The following AGBL4 variants were observed in gnomAD, a reference collection of about 807,000 sequenced individuals.
AGBL4 encodes cytosolic carboxypeptidase 6.
A neutral mutation model predicts 66.4 loss-of-function variants in AGBL4; 58 were observed. That is an observed-to-expected ratio of 0.87 (90% CI 0.71 to 1.09). AGBL4 has a LOEUF of 1.09. AGBL4 is among the 50% of genes least tolerant of loss of function. The pLI is 0.00. For missense variants in AGBL4, 579 were observed against 631.0 expected, an observed-to-expected ratio of 0.92 and a Z score of 0.88; for synonymous variants, 234 against 222.9, an observed-to-expected ratio of 1.05 and a Z score of -0.44.
intron 4 of AGBL4, among the ~76,000 whole-genome samples, chr1:49,081,510 T>C (rs1644807904): frequency 6.6e-6 from 1 of 152,210 alleles, no homozygotes; most frequent in African/African-American, 2.4e-5. Context: ...TAGGAGGTAA[T>C]GTCTGTTCAT....
intron 1 of AGBL4, among the ~76,000 whole-genome samples, chr1:49,875,070 G>A (rs1243687718): frequency 6.8e-6 from 1 of 147,596 alleles, no homozygotes; most frequent in South Asian, 2.2e-4. Flanking sequence ...GTGAGAATAT[G>A]TGGTATTTGG....
intron 9 of AGBL4, among the ~76,000 whole-genome samples, chr1:48,603,949 A>AAACAAC (rs573631069): frequency 2.0e-5 from 3 of 151,584 alleles, no homozygotes; most frequent in African/African-American, 4.9e-5. Context: ...AAAAACAACA[A>AAACAAC]AACAACAACA....
chr1:49,774,738 A>G (rs2147891327), intron 2 of AGBL4, among the ~76,000 whole-genome samples: 1 of 152,342 alleles, frequency 6.6e-6, no homozygotes, highest in African/African-American at 2.4e-5. Context: ...AAGACAGGTT[A>G]TGCAAAATCC....
At chr1:49,269,949 C>A (rs1313886602) in intron 3 of AGBL4, among the ~76,000 whole-genome samples, 15 of 152,144 alleles carry the variant, frequency 9.9e-5, no homozygotes, top group Non-Finnish European at 2.1e-4. Flanking sequence ...CTTGAACCTG[C>A]AGTTAAGGGA....
At chr1:49,335,111 A>T (rs1364177663) in intron 3 of AGBL4, among the ~76,000 whole-genome samples, 4 of 152,218 alleles carry the variant, frequency 2.6e-5, no homozygotes. Context: ...GCCAAAACAG[A>T]ATTTTTGATA....
chr1:48,749,277 ATTGT>A (rs928213830), intron 6 of AGBL4, among the ~76,000 whole-genome samples: 13 of 152,090 alleles, frequency 8.5e-5, no homozygotes, highest in African/African-American at 3.1e-4. Context: ...CTGTCACGTG[ATTGT>A]TTGTTTAACA....
intron 1 of AGBL4, among the ~76,000 whole-genome samples, chr1:49,869,777 C>G (rs908509490): frequency 6.6e-6 from 1 of 151,786 alleles, no homozygotes; most frequent in African/African-American, 2.4e-5. Flanking sequence ...GTGGATCTTA[C>G]GAAGATAAAG....
At chr1:48,690,532 G>C (rs543126571) in intron 6 of AGBL4, among the ~76,000 whole-genome samples, 1 of 152,328 alleles carries the variant, frequency 6.6e-6, no homozygotes, top group Non-Finnish European at 1.5e-5. Flanking sequence ...CAGATTGCTA[G>C]AGAGGGGCTG....
chr1:48,979,698 C>G (rs924658306), intron 5 of AGBL4, among the ~76,000 whole-genome samples: 2 of 151,622 alleles, frequency 1.3e-5, no homozygotes, highest in African/African-American at 4.8e-5. Context: ...AGAATAAGTT[C>G]AATTAAGTTT....
intron 4 of AGBL4, chr1:49,175,217 A>G (rs922430966): frequency 6.6e-6 from 1 of 151,948 alleles, no homozygotes. Context: ...ATAAATCATG[A>G]ACTGTAAGTT....
At chr1:49,094,222 A>G (rs116045738) in intron 4 of AGBL4, among the ~76,000 whole-genome samples, 10,650 of 151,912 alleles carry the variant, frequency 0.07, 504 homozygotes, top group Middle Eastern at 0.11. Flanking sequence ...ACTACCCCCC[A>G]CTCCCCTACC....
chr1:49,869,582 C>T (rs547844498), intron 1 of AGBL4, among the ~76,000 whole-genome samples: 5 of 151,950 alleles, frequency 3.3e-5, no homozygotes, highest in Non-Finnish European at 4.4e-5. Context: ...AAACACACAC[C>T]GGGGCCTGTC....
At chr1:49,183,187 T>G (rs923393380) in intron 4 of AGBL4, among the ~76,000 whole-genome samples, 8 of 152,196 alleles carry the variant, frequency 5.3e-5, no homozygotes, top group Non-Finnish European at 1.0e-4. Flanking sequence ...CAAAGAAATG[T>G]AGACATTCCC....
rs943904350 is a variant in AGBL4, at chr1:49,498,864, C to T, written c.282+198449G>A. Among the ~76,000 whole-genome samples the T allele has an allele frequency of 3.3e-5, 5 of 152,022 alleles. No individual in the cohort carries two copies. In the South Asian group the frequency reaches 8.3e-4, roughly 25 times the overall value. On this transcript the variant is annotated intron_variant, in intron 3 of 13. Transcript: ENST00000371839. ...GGTATTGTTGTACATCACGTTTATA[C>T]ATTTAAATTATGTTGAACCATCCTT...
chr1:49,960,663 GT>G (rs1157544528), intron 1 of AGBL4, among the ~76,000 whole-genome samples: 1 of 152,024 alleles, frequency 6.6e-6, no homozygotes, highest in African/African-American at 2.4e-5. Context: ...AAACATCACT[GT>G]GTATCTCATG....
chr1:48,900,157 AC>A (rs1651942874), intron 5 of AGBL4, among the ~76,000 whole-genome samples: 5 of 152,142 alleles, frequency 3.3e-5, no homozygotes, highest in African/African-American at 1.2e-4. Flanking sequence ...GAATTGAGAG[AC>A]CAGAGTGTCT....
intron 9 of AGBL4, among the ~76,000 whole-genome samples, chr1:48,593,979 A>G (rs1199958163): frequency 6.6e-6 from 1 of 152,208 alleles, no homozygotes; most frequent in African/African-American, 2.4e-5. Flanking sequence ...AATTTCTCTT[A>G]GTACTGTATA....
chr1:48,876,938 C>T (rs569744501), intron 5 of AGBL4, among the ~76,000 whole-genome samples: 24 of 152,304 alleles, frequency 1.6e-4, no homozygotes, highest in African/African-American at 4.8e-4. Context: ...GATTACTCTT[C>T]ATTATTAAGG....
rs777117892 is a variant in AGBL4 at position 49,516,003 on chromosome 1, C to T, written c.282+181310G>A. Among the ~76,000 whole-genome samples, 36 of 150,174 alleles carry T rather than the reference C, an allele frequency of 2.4e-4. 1 individual carries two copies. Among genetic ancestry groups the T allele is most frequent in the East Asian group, 5.9e-4 (3 of 5,096 alleles). On this transcript the variant is annotated intron_variant, in intron 3 of 13. Transcript: ENST00000371839. ...TGTATACATCTGTAACTAACCTGCA[C>T]GTTGTGCACATGTACCCTAAAACTT...
Sources: allele counts gnomAD v4.1 joint callset (sites outside exome capture counted in the v4.1 genomes callset), GRCh38; gene constraint gnomAD v4.1.1; transcripts MANE v1.5; gene names NCBI Gene and HGNC (gene_info 2026-07-23, HGNC 2026-07-21).